IKBKB: variants seen among roughly 807,000 people sequenced by gnomAD.
IKBKB encodes the protein inhibitor of nuclear factor kappa-B kinase subunit beta.
IKBKB carries 42 observed loss-of-function variants against 113.6 expected under a neutral mutation model. That is an observed-to-expected ratio of 0.37 (90% CI 0.29 to 0.48). IKBKB has a LOEUF of 0.48. Among genes scored for constraint, IKBKB ranks in the 20% least tolerant of loss-of-function variants. IKBKB has a pLI of 0.99. For missense variants in IKBKB, 673 were observed against 939.7 expected (o/e 0.72, Z 3.71); for synonymous variants, 296 against 361.3 (o/e 0.82, Z 2.05).
intron 9 of IKBKB, 116 bp downstream of exon 9, chr8:42,314,545 C>A: frequency 1.4e-6 from 1 of 719,084 alleles, no homozygotes. Context: ...GAGGCTGAGG[C>A]AGGTGGATCA....
Position 42,331,028 on chromosome 8 carries a change from G to A in IKBKB, c.*49G>A. On this transcript the variant is annotated 3_prime_UTR_variant, in exon 22 of 22. Coordinates refer to ENST00000520810, the MANE Select transcript of IKBKB (RefSeq NM_001556.3). ...CATGGGGCAGCCCATAGCAGGCCTTGTGCAGTGGGGGGACTCGACCCCCTG... is the reference window on the plus strand; with the variant it reads ...CATGGGGCAGCCCATAGCAGGCCTTATGCAGTGGGGGGACTCGACCCCCTG... The A allele has an allele frequency of 1.3e-6, 2 of 1,599,126 alleles. No homozygotes were observed. The highest frequency in any genetic ancestry group is 1.7e-6 in the Non-Finnish European group (2 of 1,170,722).
At chr8:42,308,328 C>T (rs1248896778) in intron 7 of IKBKB, among the ~76,000 whole-genome samples, 1 of 143,380 alleles carries the variant, frequency 7.0e-6, no homozygotes, top group Non-Finnish European at 1.5e-5. Context: ...GACAGAGTCT[C>T]ACTCTGTTGC....
At chr8:42,271,523 CGCT>C in intron 1 of IKBKB, 54 bp downstream of exon 1, 1 of 636,592 alleles carries the variant, frequency 1.6e-6, no homozygotes. Flanking sequence ...CCCGCCGCCC[CGCT>C]GCCTGCAAGG....
intron 3 of IKBKB, among the ~76,000 whole-genome samples, chr8:42,289,526 C>G (rs1469944703): frequency 6.6e-6 from 1 of 152,174 alleles, no homozygotes; most frequent in Non-Finnish European, 1.5e-5. Flanking sequence ...ACGGGGCTGT[C>G]CATCTGCCTG....
intron 8 of IKBKB, 102 bp from the exon 9 acceptor site, chr8:42,314,220 T>C: frequency 1.2e-6 from 1 of 840,448 alleles, no homozygotes. Flanking sequence ...TAGGTTTGTG[T>C]TATGTTCACA....
At position 42,322,514 on chromosome 8, in the gene IKBKB, C is replaced by T; in HGVS notation, c.1986+20C>T. On this transcript the variant is annotated intron_variant, in intron 19 of 21. Transcript: ENST00000520810. ...GCTTGTGTGAGTGAGTGCTGTGGTC[C>T]CGGGCCCTTGGCCTAGCAGCCTCCT... is the stretch of plus-strand genomic sequence containing the variant. 1 of 1,612,846 alleles carries T rather than the reference C, an allele frequency of 6.2e-7. No individual in the cohort carries two copies. Among genetic ancestry groups the T allele is most frequent in the Non-Finnish European group, 8.5e-7 (1 of 1,179,704 alleles).
chr8:42,272,053 C>T (rs1374590653), intron 1 of IKBKB, 30 bp from the exon 2 acceptor site: 1 of 1,591,486 alleles, frequency 6.3e-7, no homozygotes, highest in Non-Finnish European at 8.6e-7. Context: ...TTAATCCTAA[C>T]CTTTTTTCCC....
chr8:42,274,466 C>T (rs185455951), intron 2 of IKBKB, among the ~76,000 whole-genome samples: 133 of 152,072 alleles, frequency 8.7e-4, no homozygotes, highest in African/African-American at 3.1e-3. Context: ...CCCCCACCCC[C>T]ACCACCCTTT....
At chr8:42,291,525 C>T (rs74303401) in intron 4 of IKBKB, among the ~76,000 whole-genome samples, 1,924 of 152,308 alleles carry the variant, frequency 0.013, 91 homozygotes, top group East Asian at 0.12. Context: ...GGTTGCTCTG[C>T]GAGTGCACCT....
rs2130726874 is a variant in IKBKB, at chr8:42,327,829, AGTCTCGCTCTGTTGCC to A, written c.2115-1294_2115-1279del. Among the ~76,000 whole-genome samples, 2 of 1,896 alleles carry A rather than the reference AGTCTCGCTCTGTTGCC, an allele frequency of 1.1e-3. 1 individual carries two copies. Among genetic ancestry groups the A allele is most frequent in the Non-Finnish European group, 4.2e-3 (2 of 478 alleles). The allele number at this position is 1,896 out of a possible 152,430, so 1.2% of individuals were successfully genotyped here. A position where few individuals can be genotyped will look rare whatever the true frequency, so the allele number is the denominator to read the frequency against. On this transcript the variant is annotated intron_variant, in intron 20 of 21. Transcript: ENST00000520810. ...GTATTTTTTTTTTTTTTTGAGACGG[AGTCTCGCTCTGTTGCC>A]CAGGCCGGACTGCGGACTGCAGTGG...
intron 15 of IKBKB, 138 bp downstream of exon 15, chr8:42,319,784 AC>A: frequency 1.3e-6 from 1 of 747,074 alleles, no homozygotes; most frequent in South Asian, 2.0e-5. Context: ...GCTTAACTGG[AC>A]CAGCTGAAAA....
chr8:42,320,699 C>A, intron 15 of IKBKB, 36 bp from the exon 16 acceptor site: 1 of 1,545,876 alleles, frequency 6.5e-7, no homozygotes, highest in Non-Finnish European at 8.9e-7. Flanking sequence ...CATGCGCCTA[C>A]CACATCAGTT....
chr8:42,329,793 A>T, intron 21 of IKBKB: 2 of 985,404 alleles, frequency 2.0e-6, no homozygotes, highest in Non-Finnish European at 1.2e-6. Context: ...GTTATGAGAA[A>T]ACTAGCCAAG....
intron 2 of IKBKB, among the ~76,000 whole-genome samples, chr8:42,282,203 G>A (rs139787663): frequency 4.1e-4 from 62 of 152,082 alleles, no homozygotes; most frequent in Middle Eastern, 6.8e-3. Context: ...TATTTTTTGA[G>A]ACAGGGTCTC....
intron 2 of IKBKB, among the ~76,000 whole-genome samples, chr8:42,281,881 T>C (rs1387410979): frequency 6.6e-6 from 1 of 152,166 alleles, no homozygotes; most frequent in Non-Finnish European, 1.5e-5. Flanking sequence ...GCTCTTGGCC[T>C]CTGTGAGTTT....
At position 42,326,774 on chromosome 8, in the gene IKBKB, G is replaced by A. The variant is rs533250610; in HGVS notation, c.2114+677G>A. Among the ~76,000 whole-genome samples, 4 of 152,284 alleles carry A rather than the reference G, an allele frequency of 2.6e-5. No individual in the cohort carries two copies. In the South Asian group the frequency reaches 8.3e-4, roughly 32 times the overall value. On this transcript the variant is annotated intron_variant, in intron 20 of 21. Transcript: ENST00000520810. The stretch of plus-strand genomic sequence containing the variant: ...TGGAGACCTCACTTGAGAGCTCAGG[G>A]TTGGGGCCCAGCAGTCTGTGTCTAG...
intron 8 of IKBKB, chr8:42,309,482 C>T (rs1384020774): frequency 2.4e-6 from 1 of 418,070 alleles, no homozygotes; most frequent in Admixed American, 2.9e-5. Flanking sequence ...TGGCCGGGTA[C>T]AGTGGCTCAC....
At chr8:42,304,019 GCT>G (rs1815982377) in intron 5 of IKBKB, among the ~76,000 whole-genome samples, 1 of 152,266 alleles carries the variant, frequency 6.6e-6, no homozygotes, top group Non-Finnish European at 1.5e-5. Context: ...TGCATACACT[GCT>G]CTTTTTGCTA....
chr8:42,325,298 AG>A (rs1324821768), intron 19 of IKBKB: 7 of 985,496 alleles, frequency 7.1e-6, no homozygotes, highest in Non-Finnish European at 8.4e-6. Flanking sequence ...CAGGTCATAG[AG>A]GATGCAAGCC....
Sources: allele counts gnomAD v4.1 joint callset (sites outside exome capture counted in the v4.1 genomes callset), GRCh38; gene constraint gnomAD v4.1.1; transcripts MANE v1.5; gene names NCBI Gene and HGNC (gene_info 2026-07-23, HGNC 2026-07-21).